The following THADA variants were observed in gnomAD, a reference collection of about 807,000 sequenced individuals.
The protein encoded by THADA is tRNA (32-2'-O)-methyltransferase regulator THADA.
Under a neutral mutation model 219.8 loss-of-function variants are expected in THADA, and 213 were observed. That is an observed-to-expected ratio of 0.97 (90% CI 0.87 to 1.09). The LOEUF (loss-of-function observed/expected upper bound fraction) is 1.09. Among genes scored for constraint, THADA ranks in the 50% least tolerant of loss-of-function variants. The probability of loss-of-function intolerance (pLI) is 0.00; values close to 1 mark genes in which losing one functional copy is unlikely to be tolerated. For synonymous variants in THADA, 1,018 were observed against 828.9 expected, an observed-to-expected ratio of 1.23 and a Z score of -3.92; for missense variants, 2,956 against 2,311.3, an observed-to-expected ratio of 1.28 and a Z score of -5.72.
chr2:43,334,913 G>C (rs1186982821), intron 30 of THADA, among the ~76,000 whole-genome samples: 1 of 152,234 alleles, frequency 6.6e-6, no homozygotes, highest in African/African-American at 2.4e-5. Context: ...GGTGATCCCA[G>C]GTGGGTAGGG....
Position 43,582,821 on chromosome 2 carries a change from G to T in THADA, c.534-893C>A, listed in dbSNP as rs919461560. On this transcript the variant is annotated intron_variant, in intron 7 of 37. Transcript: ENST00000405975. Reference sequence around the variant, plus strand: ...TGACCTCAAGTGATCCACCTGCCTCGCCCTCCCAAAGTGCTGAGATTACAG... The same window carrying T: ...TGACCTCAAGTGATCCACCTGCCTCTCCCTCCCAAAGTGCTGAGATTACAG... Among the ~76,000 whole-genome samples the T allele has an allele frequency of 2.6e-5, 4 of 151,818 alleles. 1 individual carries two copies. In the South Asian group the frequency reaches 8.3e-4, roughly 32 times the overall value.
intron 36 of THADA, among the ~76,000 whole-genome samples, chr2:43,271,689 A>G (rs906275393): frequency 7.0e-6 from 1 of 143,050 alleles, no homozygotes; most frequent in South Asian, 2.1e-4. Flanking sequence ...ATCTCAGCTC[A>G]CTGCAACCTC....
intron 30 of THADA, among the ~76,000 whole-genome samples, chr2:43,335,459 A>G (rs766549315): frequency 6.6e-6 from 1 of 152,200 alleles, no homozygotes; most frequent in Non-Finnish European, 1.5e-5. Flanking sequence ...TCTTAATACA[A>G]TAAACTTCAT....
In THADA at chr2:43,577,094, T is replaced by A; in HGVS notation, c.965A>T (p.Asn322Ile). The change falls in exon 10 of 38, where the codon AAC becomes ATC. Residue 322 changes from asparagine to isoleucine, a missense_variant. Asn to Ile is a moderately radical substitution (Grantham distance 149). Transcript: ENST00000405975. Reference sequence around the variant, plus strand: ...CTCCCCACTCCGACCCATGCTTCCGTTCTGCCAGTCCAACATGGCAAGTGT... The same window carrying A: ...CTCCCCACTCCGACCCATGCTTCCGATCTGCCAGTCCAACATGGCAAGTGT... ...QGTLAMLDWQ[N>I]GSMGRSGEAL... The A allele has an allele frequency of 6.2e-7, 1 of 1,613,396 alleles. No homozygotes were observed. The highest frequency in any genetic ancestry group is 8.5e-7 in the Non-Finnish European group (1 of 1,179,688).
At position 43,428,176 on chromosome 2, in the gene THADA, C is replaced by T; in HGVS notation, c.3982G>A (p.Glu1328Lys). The T allele has an allele frequency of 6.2e-7, 1 of 1,609,364 alleles. No individual in the cohort carries two copies. Among genetic ancestry groups the T allele is most frequent in the Non-Finnish European group, 8.5e-7 (1 of 1,177,382 alleles). ...TCCATCGGGGAAGCGTAGAGTCTCTCCAACACCAAAAGTAAGAGAAACATG... is the reference window on the plus strand; with the variant it reads ...TCCATCGGGGAAGCGTAGAGTCTCTTCAACACCAAAAGTAAGAGAAACATG... The part of the protein sequence containing the change: ...PSMFLLLLVL[E>K]RLYASPMDGT... Residue 1328 changes from glutamate (E) to lysine (K), a missense_variant, in exon 28 of 38, where the codon GAG (glutamate) becomes AAG (lysine). By Grantham distance (56) the Glu-to-Lys change is moderately conservative (BLOSUM62 1). Transcript: ENST00000405975.
intron 29 of THADA, among the ~76,000 whole-genome samples, chr2:43,361,003 G>A (rs1669455084): frequency 6.7e-6 from 1 of 148,504 alleles, no homozygotes; most frequent in Non-Finnish European, 1.5e-5. Flanking sequence ...AACTGAAAGG[G>A]GGTGCTACCA....
chr2:43,379,617 G>A (rs1671768618), intron 29 of THADA, among the ~76,000 whole-genome samples: 1 of 152,182 alleles, frequency 6.6e-6, no homozygotes, highest in South Asian at 2.1e-4. Context: ...AAATGGTAAA[G>A]CCATTTTGGA....
chr2:43,416,860 T>C (rs1677047036), intron 28 of THADA, among the ~76,000 whole-genome samples: 1 of 152,232 alleles, frequency 6.6e-6, no homozygotes, highest in South Asian at 2.1e-4. Context: ...AGCAGTTTCC[T>C]GAAGTTATTA....
chr2:43,344,364 T>C (rs1197793782), intron 29 of THADA, 127 bp from the exon 30 acceptor site: 6 of 628,414 alleles, frequency 9.5e-6, no homozygotes, highest in Admixed American at 3.0e-5. Context: ...AATGTAGCTC[T>C]GGTCTCTTTG....
chr2:43,584,511 G>C (rs1426573272), intron 7 of THADA, among the ~76,000 whole-genome samples: 2 of 152,186 alleles, frequency 1.3e-5, no homozygotes, highest in Non-Finnish European at 2.9e-5. Flanking sequence ...AGGCTACCCT[G>C]AGTGAAAGAA....
chr2:43,458,972 A>C (rs1162278439), intron 26 of THADA, among the ~76,000 whole-genome samples: 2 of 152,170 alleles, frequency 1.3e-5, no homozygotes, highest in East Asian at 1.9e-4. Flanking sequence ...CTGGTTCACA[A>C]AACAGAAAAG....
chr2:43,300,831 G>A (rs1180710664), intron 31 of THADA, among the ~76,000 whole-genome samples: 2 of 152,176 alleles, frequency 1.3e-5, no homozygotes, highest in East Asian at 3.8e-4. Context: ...TCGGACTCAA[G>A]GAGATGCCCC....
intron 34 of THADA, among the ~76,000 whole-genome samples, chr2:43,291,315 C>G (rs542709048): frequency 6.6e-6 from 1 of 151,508 alleles, no homozygotes; most frequent in South Asian, 2.1e-4. Context: ...GCCGGGCGTG[C>G]TGGCACAAGC....
chr2:43,507,670 G>GA (rs1689855322), intron 23 of THADA, among the ~76,000 whole-genome samples: 1 of 152,048 alleles, frequency 6.6e-6, no homozygotes. Context: ...GTAGGGGCAT[G>GA]AAAAAAATCA....
intron 15 of THADA, chr2:43,565,594 T>C (rs1362988306): frequency 6.6e-6 from 1 of 152,180 alleles, no homozygotes; most frequent in East Asian, 1.9e-4. Context: ...CTAACTGTCC[T>C]CCTGTCAAAA....
chr2:43,370,975 G>A (rs540739193), intron 29 of THADA, among the ~76,000 whole-genome samples: 1 of 152,292 alleles, frequency 6.6e-6, no homozygotes, highest in Non-Finnish European at 1.5e-5. Context: ...AAACTCCACA[G>A]TAACAAAAGA....
intron 28 of THADA, among the ~76,000 whole-genome samples, chr2:43,405,849 A>G (rs904901337): frequency 4.6e-5 from 7 of 152,194 alleles, no homozygotes. Flanking sequence ...AATTAATTCT[A>G]AGCAACACAT....
intron 35 of THADA, among the ~76,000 whole-genome samples, chr2:43,286,093 T>G (rs1262650893): frequency 6.6e-6 from 1 of 152,210 alleles, no homozygotes; most frequent in South Asian, 2.1e-4. Context: ...ATTTCTCACC[T>G]AGATTATTGC....
At chr2:43,505,582 A>C in intron 24 of THADA, 40 bp downstream of exon 24, 2 of 1,441,862 alleles carry the variant, frequency 1.4e-6, no homozygotes, top group Non-Finnish European at 1.9e-6. Flanking sequence ...AAAACAAAAC[A>C]AAAAACAACA....
Sources: allele counts gnomAD v4.1 joint callset (sites outside exome capture counted in the v4.1 genomes callset), GRCh38; gene constraint gnomAD v4.1.1; transcripts MANE v1.5; gene names NCBI Gene and HGNC (gene_info 2026-07-23, HGNC 2026-07-21).